Variants in STPG2 observed in about 807,000 individuals in gnomAD.
The protein encoded by STPG2 is sperm tail PG-rich repeat containing 2.
STPG2 carries 56 observed loss-of-function variants against 54.2 expected under a neutral mutation model. The observed-to-expected ratio is 1.03, with a 90% CI of 0.83 to 1.29. STPG2 has a LOEUF of 1.29. Ranked by LOEUF, STPG2 falls within the 50% of genes most tolerant of loss-of-function variation. The pLI is 0.00. For synonymous variants in STPG2, 200 were observed against 181.8 expected (o/e 1.10, Z -0.81); for missense variants, 596 against 544.9 (o/e 1.09, Z -0.93).
chr4:98,054,204 T>C lies in STPG2; in HGVS notation c.612+51749A>G, dbSNP rs2149315970. ...TATGATCACTATGTTTTTATAACTT[T>C]CATGCAAAACAGCTGGTATTTAGCA... is the stretch of plus-strand genomic sequence containing the variant. On this transcript the variant is annotated intron_variant, in intron 5 of 10. Coordinates refer to ENST00000295268, the MANE Select transcript of STPG2 (RefSeq NM_174952.3). 2.0e-5 allele frequency among the ~76,000 whole-genome samples: 3 copies of C among 152,258 alleles called. No homozygotes were observed. In the Middle Eastern group the frequency reaches 0.01, roughly 518 times the overall value.
intron 10 of STPG2, among the ~76,000 whole-genome samples, chr4:97,667,614 A>C (rs1722568219): frequency 6.6e-6 from 1 of 152,210 alleles, no homozygotes; most frequent in Non-Finnish European, 1.5e-5. Context: ...TATGGCACAA[A>C]AAAACTCATA....
At chr4:97,468,594 G>A (rs1333359694) in intron 4 of STPG2, among the ~76,000 whole-genome samples, 2 of 152,002 alleles carry the variant, frequency 1.3e-5, no homozygotes, top group Non-Finnish European at 2.9e-5. Flanking sequence ...CTTTTCAGAA[G>A]AAAAGATAGT....
At chr4:97,643,811 T>C (rs1353718220) in intron 10 of STPG2, among the ~76,000 whole-genome samples, 2 of 151,798 alleles carry the variant, frequency 1.3e-5, no homozygotes, top group Admixed American at 1.3e-4. Flanking sequence ...TGAGATTCTT[T>C]TATTATAAAG....
intron 9 of STPG2, among the ~76,000 whole-genome samples, chr4:97,776,532 T>G (rs1018742144): frequency 6.6e-6 from 1 of 152,154 alleles, no homozygotes; most frequent in African/African-American, 2.4e-5. Flanking sequence ...GGCTATTCTC[T>G]AAACAAAATA....
intron 5 of STPG2, among the ~76,000 whole-genome samples, chr4:98,082,043 A>C (rs1209566956): frequency 2.0e-5 from 3 of 152,306 alleles, no homozygotes; most frequent in South Asian, 4.1e-4. Flanking sequence ...CAAGTTTATG[A>C]GAAAGTTATG....
intron 10 of STPG2, among the ~76,000 whole-genome samples, chr4:97,575,364 A>T (rs1301269222): frequency 6.6e-6 from 1 of 151,972 alleles, no homozygotes; most frequent in Non-Finnish European, 1.5e-5. Flanking sequence ...CCAATATCTA[A>T]ATCCTCAACA....
chr4:97,906,308 T>TA (rs1731416473), intron 8 of STPG2, among the ~76,000 whole-genome samples: 2 of 152,238 alleles, frequency 1.3e-5, no homozygotes, highest in South Asian at 4.1e-4. Flanking sequence ...CTCCCAAGAC[T>TA]AAACCAGGAA....
At chr4:97,957,228 T>C (rs1468544132) in intron 7 of STPG2, among the ~76,000 whole-genome samples, 1 of 133,644 alleles carries the variant, frequency 7.5e-6, no homozygotes, top group African/African-American at 2.6e-5. Context: ...ACAGTATAAA[T>C]AAAAAACAAT....
intron 8 of STPG2, among the ~76,000 whole-genome samples, chr4:97,887,450 T>C (rs1327359986): frequency 6.6e-6 from 1 of 152,162 alleles, no homozygotes; most frequent in Non-Finnish European, 1.5e-5. Context: ...ATTGTGCCTC[T>C]TCCCTAGGGA....
intron 8 of STPG2, among the ~76,000 whole-genome samples, chr4:97,880,722 G>T (rs888884323): frequency 2.0e-5 from 3 of 151,800 alleles, no homozygotes; most frequent in Non-Finnish European, 4.4e-5. Context: ...TTTTTCCTGA[G>T]CATTTTTGCA....
intron 5 of STPG2, among the ~76,000 whole-genome samples, chr4:98,006,689 T>C (rs959869598): frequency 2.0e-5 from 3 of 152,120 alleles, no homozygotes; most frequent in African/African-American, 7.2e-5. Flanking sequence ...AGGAAGAGAT[T>C]TGCTGACAAG....
In STPG2 at chr4:97,974,536, C is replaced by A. The variant is rs116908246; in HGVS notation, c.773-2096G>T. Among the ~76,000 whole-genome samples, 148 of 152,282 alleles carry A rather than the reference C, an allele frequency of 9.7e-4. 1 individual carries two copies. The East Asian group carries it at 0.02, about 20-fold the overall frequency. On this transcript the variant is annotated intron_variant, in intron 6 of 10. Coordinates refer to ENST00000295268, the MANE Select transcript of STPG2 (RefSeq NM_174952.3). The stretch of plus-strand genomic sequence containing the variant: ...ATTTCATCTTGAACTGTAGCTCCCA[C>A]AATTCTTATGTGTCTTGGGAGGAAC...
intron 9 of STPG2, among the ~76,000 whole-genome samples, chr4:97,793,398 C>G (rs764316622): frequency 0.022 from 3,149 of 145,370 alleles, 40 homozygotes; most frequent in Non-Finnish European, 0.03. Flanking sequence ...CACACACACA[C>G]ACACAGAGAA....
intron 4 of STPG2, among the ~76,000 whole-genome samples, chr4:97,495,110 A>T (rs1276875609): frequency 1.3e-5 from 2 of 151,534 alleles, no homozygotes; most frequent in East Asian, 1.9e-4. Context: ...TTGAATATAG[A>T]TATATAATAA....
chr4:97,587,663 T>G (rs1336053187), intron 10 of STPG2, among the ~76,000 whole-genome samples: 1 of 151,998 alleles, frequency 6.6e-6, no homozygotes, highest in Non-Finnish European at 1.5e-5. Context: ...TTTTACAGAA[T>G]AGTCTTTGTA....
intron 9 of STPG2, among the ~76,000 whole-genome samples, chr4:97,819,052 C>G (rs1235101496): frequency 6.7e-6 from 1 of 150,288 alleles, no homozygotes; most frequent in Non-Finnish European, 1.5e-5. Flanking sequence ...AAAGTTAGTT[C>G]ATGTTTAATA....
In STPG2 at chr4:97,768,887, A is replaced by T. The variant is rs4499705; in HGVS notation, c.1205-56073T>A. 2.6e-3 allele frequency among the ~76,000 whole-genome samples: 400 copies of T among 152,050 alleles called. 2 individuals are homozygous for T. Among genetic ancestry groups the T allele is most frequent in the African/African-American group, 9.1e-3 (377 of 41,468 alleles). ...CAGCTAATTTTTGTATCTTAAGTAGAGATGGGGTTTCACCACGTTAGCCAG... is the reference window on the plus strand; with the variant it reads ...CAGCTAATTTTTGTATCTTAAGTAGTGATGGGGTTTCACCACGTTAGCCAG... On this transcript the variant is annotated intron_variant, in intron 9 of 10. Coordinates refer to ENST00000295268, the MANE Select transcript of STPG2 (RefSeq NM_174952.3).
intron 9 of STPG2, among the ~76,000 whole-genome samples, chr4:97,833,505 T>G (rs1167411353): frequency 6.6e-6 from 1 of 152,004 alleles, no homozygotes; most frequent in African/African-American, 2.4e-5. Flanking sequence ...AATTGACAAA[T>G]GGGATCTAAT....
intron 5 of STPG2, among the ~76,000 whole-genome samples, chr4:98,001,339 C>T (rs1477903320): frequency 6.6e-6 from 1 of 151,270 alleles, no homozygotes; most frequent in African/African-American, 2.4e-5. Flanking sequence ...TATCTAGTAG[C>T]AGTCAAGATT....
Sources: allele counts gnomAD v4.1 joint callset (sites outside exome capture counted in the v4.1 genomes callset), GRCh38; gene constraint gnomAD v4.1.1; transcripts MANE v1.5; gene names NCBI Gene and HGNC (gene_info 2026-07-23, HGNC 2026-07-21).